CCDC180: variants seen among roughly 807,000 people sequenced by gnomAD.
The protein encoded by CCDC180 is coiled-coil domain containing 180, also known as coiled-coil domain-containing protein 180.
A neutral mutation model predicts 209.2 loss-of-function variants in CCDC180; 154 were observed. That is an observed-to-expected ratio of 0.74 (90% CI 0.65 to 0.84). CCDC180 has a LOEUF of 0.84. Among genes scored for constraint, CCDC180 ranks in the 40% least tolerant of loss-of-function variants. CCDC180 has a pLI of 0.00. For missense variants in CCDC180, 1,874 were observed against 1,997.3 expected (o/e 0.94, Z 1.18); for synonymous variants, 778 against 749.1 (o/e 1.04, Z -0.63).
intron 22 of CCDC180, among the ~76,000 whole-genome samples, 199 bp downstream of exon 22, chr9:97,350,754 G>C (rs1826400894): frequency 6.6e-6 from 1 of 152,220 alleles, no homozygotes; most frequent in African/African-American, 2.4e-5. Flanking sequence ...CTGGTCACCA[G>C]AACTTTTTCA....
rs1173207744 is a variant in CCDC180 at position 97,312,280 on chromosome 9, G to A, written c.349+79G>A. On this transcript the variant is annotated intron_variant, in intron 4 of 36. Transcript: ENST00000529487. Reference sequence around the variant, plus strand: ...GGGCAGGAGGTGGGGACGTCTCCTGGCAACTCCTCTGAGGAAGGCCCTGAG... The same window carrying A: ...GGGCAGGAGGTGGGGACGTCTCCTGACAACTCCTCTGAGGAAGGCCCTGAG... 20 of 1,238,046 alleles carry A rather than the reference G, an allele frequency of 1.6e-5. No individual in the cohort carries two copies. The East Asian group carries it at 4.7e-4, about 29-fold the overall frequency. The allele number at this position is 1,238,046 out of a possible 1,614,324, so 76.7% of individuals were successfully genotyped here.
rs778724968 is a variant in CCDC180 at position 97,307,935 on chromosome 9, C to G, written c.-81-48C>G. On this transcript the variant is annotated intron_variant, in intron 1 of 36. Coordinates refer to ENST00000529487, the MANE Select transcript of CCDC180 (RefSeq NM_020893.6). ...GCCGCCTCGAGGCCAGACGTCGTCC[C>G]GCCTGGACCTGAACCTGAGTTTGGG... 2.7e-5 allele frequency: 42 copies of G among 1,578,168 alleles called. No homozygotes were observed. The Admixed American group carries it at 7.2e-4, about 27-fold the overall frequency.
chr9:97,334,855 C>T (rs1314588616), intron 18 of CCDC180, among the ~76,000 whole-genome samples: 1 of 152,108 alleles, frequency 6.6e-6, no homozygotes. Flanking sequence ...ATGTACACCT[C>T]CGAAGCAACT....
rs757123126 is a variant in CCDC180, at chr9:97,313,220, T to G, written c.350-16T>G. On this transcript the variant is annotated splice_polypyrimidine_tract_variant and intron_variant, in intron 4 of 36. Transcript: ENST00000529487. ...GCTCTGAAGGCAGCCTCATCACCTC[T>G]GTTGTTGCTCCGCAGTTCCTGAGAA... 6.4e-7 allele frequency: 1 copy of G among 1,572,564 alleles called. No individual in the cohort carries two copies. The highest frequency in any genetic ancestry group is 1.1e-5 in the South Asian group (1 of 90,014).
chr9:97,353,326 A>G (rs150730859), intron 22 of CCDC180, among the ~76,000 whole-genome samples: 222 of 152,252 alleles, frequency 1.5e-3, no homozygotes, highest in African/African-American at 4.8e-3. Flanking sequence ...TACTTTTTCA[A>G]AACTGCCTGC....
chr9:97,314,587 C>T (rs1013597089), intron 6 of CCDC180, 31 bp from the exon 7 acceptor site: 10 of 1,613,716 alleles, frequency 6.2e-6, no homozygotes, highest in African/African-American at 1.3e-5. Flanking sequence ...CTCCCACCGG[C>T]TCCTAGCCTG....
rs115387929 is a variant in CCDC180, at chr9:97,376,333, C to T, written c.4843-430C>T. The T allele has an allele frequency of 2.4e-3, 388 of 160,896 alleles. 1 individual carries two copies. Among genetic ancestry groups the T allele is most frequent in the African/African-American group, 8.7e-3 (365 of 41,724 alleles). 10.0% of individuals were successfully genotyped at this position (160,896 alleles called of 1,614,324 possible). On this transcript the variant is annotated intron_variant, in intron 36 of 36. Transcript: ENST00000529487. ...CTGAAGTGCCCAGGGTCAGCCCTCC[C>T]CCAGCTTCCCCTCCAAGCCCCAGGC...
At chr9:97,361,476 A>G (rs1826749927) in intron 26 of CCDC180, among the ~76,000 whole-genome samples, 2 of 152,240 alleles carry the variant, frequency 1.3e-5, no homozygotes, top group African/African-American at 4.8e-5. Context: ...TTCCTAGAAC[A>G]TGGGCAGAGA....
intron 33 of CCDC180, 69 bp from the exon 34 acceptor site, chr9:97,371,526 C>A: frequency 2.1e-6 from 2 of 937,524 alleles, no homozygotes; most frequent in Non-Finnish European, 3.3e-6. Flanking sequence ...GTTCACCCAT[C>A]CCCTCTTCAG....
At chr9:97,327,471 A>G (rs772596293) in intron 15 of CCDC180, among the ~76,000 whole-genome samples, 8 of 152,112 alleles carry the variant, frequency 5.3e-5, no homozygotes, top group Non-Finnish European at 1.0e-4. Context: ...GCTGTTTTCT[A>G]TTGGTTCCAA....
chr9:97,330,193 G>A lies in CCDC180; in HGVS notation c.1828G>A (p.Glu610Lys). 6.2e-7 allele frequency: 1 copy of A among 1,613,986 alleles called. No homozygotes were observed. Among genetic ancestry groups the A allele is most frequent in the South Asian group, 1.1e-5 (1 of 91,068 alleles). Residue 610 changes from glutamate (E) to lysine (K), a missense_variant and splice_region_variant, in exon 17 of 37, where the codon GAA becomes AAA. Coordinates refer to ENST00000529487, the MANE Select transcript of CCDC180 (RefSeq NM_020893.6). ...AGTCATTTTCAAATTCAGGCAACCAGGTAACACTTTTTCAATTCAAGTTTT... is the reference window on the plus strand; with the variant it reads ...AGTCATTTTCAAATTCAGGCAACCAAGTAACACTTTTTCAATTCAAGTTTT... ...GEVIFKFRQPEAHEKPSQKRV... is the reference protein window; with the variant it reads ...GEVIFKFRQPKAHEKPSQKRV...
chr9:97,314,605 C>CG lies in CCDC180; in HGVS notation c.589-13_589-12insG, dbSNP rs1438402723. ...CCACCGGCTCCTAGCCTGACCCAAA[C>CG]TTCTCTGCGTAGGCCCTGCTGGAGC... On this transcript the variant is annotated splice_polypyrimidine_tract_variant and intron_variant, in intron 6 of 36. Coordinates refer to ENST00000529487, the MANE Select transcript of CCDC180 (RefSeq NM_020893.6). The CG allele has an allele frequency of 6.2e-7, 1 of 1,613,982 alleles. No homozygotes were observed. Among genetic ancestry groups the CG allele is most frequent in the Admixed American group, 1.7e-5 (1 of 60,006 alleles).
chr9:97,371,519 C>T (rs1019736374), intron 33 of CCDC180, 76 bp from the exon 34 acceptor site: 2 of 864,814 alleles, frequency 2.3e-6, no homozygotes, highest in Non-Finnish European at 3.7e-6. Flanking sequence ...CTGCAGAGTT[C>T]ACCCATCCCC....
In CCDC180 at chr9:97,328,038, C is replaced by T; in HGVS notation, c.1680C>T (p.Thr560=). The change falls in exon 16 of 37, where the codon ACC becomes ACT. Residue 560 remains threonine, a synonymous_variant. Coordinates refer to ENST00000529487, the MANE Select transcript of CCDC180 (RefSeq NM_020893.6). The stretch of plus-strand genomic sequence containing the variant: ...CTCCCAGGTATGAATGTTTTCACAC[C>T]CTCCTGACAAAGGAAGTGATGGAGT... The part of the protein sequence containing the change: ...NMKSRYECFH[T]LLTKEVMEYP... 1 of 1,613,752 alleles carries T rather than the reference C, an allele frequency of 6.2e-7. No homozygotes were observed. The highest frequency in any genetic ancestry group is 1.3e-5 in the African/African-American group (1 of 74,980).
intron 18 of CCDC180, among the ~76,000 whole-genome samples, chr9:97,337,625 T>C (rs907125872): frequency 6.6e-6 from 1 of 152,154 alleles, no homozygotes; most frequent in African/African-American, 2.4e-5. Flanking sequence ...TAAAATTCTC[T>C]TTTTTTGTTG....
At position 97,370,703 on chromosome 9, in the gene CCDC180, G is replaced by C; in HGVS notation, c.4413G>C (p.Glu1471Asp). ...ACCCCGTACATTTCCAAGAAATGGAGTCTCTACACTTAAGTGAAGAGGAAA... is the reference window on the plus strand; with the variant it reads ...ACCCCGTACATTTCCAAGAAATGGACTCTCTACACTTAAGTGAAGAGGAAA... ...LGHPVHFQEM[E>D]SLHLSEEERQ... Residue 1471 changes from glutamate to aspartate, a missense_variant, in exon 33 of 37, where the codon GAG (glutamate) becomes GAC (aspartate). Glu to Asp is a conservative substitution (Grantham distance 45). Transcript: ENST00000529487. The C allele has an allele frequency of 6.2e-7, 1 of 1,614,080 alleles. No individual in the cohort carries two copies. Among genetic ancestry groups the C allele is most frequent in the Non-Finnish European group, 8.5e-7 (1 of 1,179,968 alleles).
chr9:97,355,617 G>A (rs910927398), intron 24 of CCDC180, among the ~76,000 whole-genome samples: 1 of 152,222 alleles, frequency 6.6e-6, no homozygotes, highest in African/African-American at 2.4e-5. Context: ...CAGTATTTTA[G>A]TGACTTAGGT....
intron 2 of CCDC180, among the ~76,000 whole-genome samples, chr9:97,308,416 A>G (rs1003679913): frequency 2.0e-5 from 3 of 152,210 alleles, no homozygotes; most frequent in Non-Finnish European, 4.4e-5. Flanking sequence ...CCATGCATAA[A>G]AACATGACTA....
In CCDC180 at chr9:97,330,468, C is replaced by G. The variant is rs986405618; in HGVS notation, c.1975C>G (p.Gln659Glu). 6 of 1,614,098 alleles carry G rather than the reference C, an allele frequency of 3.7e-6. No homozygotes were observed. In the South Asian group the frequency reaches 6.6e-5, roughly 18 times the overall value. ...SVEEVEEEND[Q>E]EMESFITEEV... ...AGAAGAGGTGGAAGAAGAAAACGAT[C>G]AAGAAATGGAGTCCTTCATAACTGA... Residue 659 changes from glutamine (Q) to glutamate (E), a missense_variant, in exon 18 of 37, where the codon CAA becomes GAA. Coordinates refer to ENST00000529487, the MANE Select transcript of CCDC180 (RefSeq NM_020893.6).
Sources: allele counts gnomAD v4.1 joint callset (sites outside exome capture counted in the v4.1 genomes callset), GRCh38; gene constraint gnomAD v4.1.1; transcripts MANE v1.5; gene names NCBI Gene and HGNC (gene_info 2026-07-23, HGNC 2026-07-21).